PDE1C: variants seen among roughly 807,000 people sequenced by gnomAD.
The protein encoded by PDE1C is phosphodiesterase 1C, also known as dual specificity calcium/calmodulin-dependent 3',5'-cyclic nucleotide phosphodiesterase 1C.
PDE1C carries 62 observed loss-of-function variants against 93.1 expected under a neutral mutation model. The ratio of observed to expected loss-of-function variants is 0.67; its 90% CI spans 0.54 to 0.82. The LOEUF (loss-of-function observed/expected upper bound fraction) is 0.82, where lower values mean the gene tolerates loss of function less well. Among genes scored for constraint, PDE1C ranks in the 40% least tolerant of loss-of-function variants. PDE1C has a pLI of 0.00. For synonymous variants in PDE1C, 325 were observed against 310.1 expected, an observed-to-expected ratio of 1.05 and a Z score of -0.50; for missense variants, 742 against 884.6, an observed-to-expected ratio of 0.84 and a Z score of 2.04.
intron 16 of PDE1C, chr7:31,785,739 T>C (rs1299741657): frequency 6.6e-6 from 1 of 152,182 alleles, no homozygotes; most frequent in Non-Finnish European, 1.5e-5. Flanking sequence ...CATGATCAGA[T>C]AAACTGTCTA....
intron 1 of PDE1C, among the ~76,000 whole-genome samples, chr7:32,287,334 C>T (rs955734975): frequency 1.3e-5 from 2 of 152,226 alleles, no homozygotes; most frequent in Non-Finnish European, 2.9e-5. Context: ...CCTCCAGCCA[C>T]AGGGCCTCTG....
At chr7:31,944,222 T>C (rs552386510) in intron 2 of PDE1C, among the ~76,000 whole-genome samples, 1 of 152,346 alleles carries the variant, frequency 6.6e-6, no homozygotes, top group East Asian at 1.9e-4. Context: ...CTCATCCTAC[T>C]ATGCTCTGTC....
At chr7:31,910,237 C>T (rs1405946830) in intron 2 of PDE1C, among the ~76,000 whole-genome samples, 1 of 152,198 alleles carries the variant, frequency 6.6e-6, no homozygotes, top group Non-Finnish European at 1.5e-5. Context: ...TTACTCTTCT[C>T]TTACTGCCCT....
At chr7:32,325,567 G>T (rs746307628) in intron 1 of PDE1C, among the ~76,000 whole-genome samples, 3 of 152,186 alleles carry the variant, frequency 2.0e-5, no homozygotes, top group Non-Finnish European at 2.9e-5. Flanking sequence ...AACAAATCAT[G>T]TAAGATCCAA....
At chr7:32,136,807 G>A (rs1405004915) in intron 3 of PDE1C, among the ~76,000 whole-genome samples, 1 of 152,194 alleles carries the variant, frequency 6.6e-6, no homozygotes, top group Admixed American at 6.5e-5. Context: ...CAGAGGAAGT[G>A]TCTGGGCCTA....
intron 17 of PDE1C, among the ~76,000 whole-genome samples, chr7:31,772,003 G>A (rs903496659): frequency 4.8e-5 from 7 of 145,746 alleles, no homozygotes; most frequent in Non-Finnish European, 7.4e-5. Flanking sequence ...CCGAGATAGC[G>A]CCACTGCACT....
intron 2 of PDE1C, among the ~76,000 whole-genome samples, chr7:31,978,417 T>C (rs913716943): frequency 1.3e-5 from 2 of 152,168 alleles, no homozygotes; most frequent in Admixed American, 6.5e-5. Context: ...GCAGACCAAA[T>C]TGGTCTTTTC....
chr7:32,300,169 G>C (rs1812847561), upstream of PDE1C, among the ~76,000 whole-genome samples: 1 of 152,096 alleles, frequency 6.6e-6, no homozygotes, highest in South Asian at 2.1e-4. Context: ...AAACCCCCAA[G>C]CCTACTGGAA....
At chr7:32,146,182 C>G (rs1248696418) in intron 3 of PDE1C, among the ~76,000 whole-genome samples, 1 of 152,154 alleles carries the variant, frequency 6.6e-6, no homozygotes, top group Non-Finnish European at 1.5e-5. Context: ...CTCTGCATTT[C>G]TGTTAACAGC....
intron 2 of PDE1C, among the ~76,000 whole-genome samples, chr7:32,201,736 T>C (rs1009577219): frequency 2.6e-5 from 4 of 152,216 alleles, no homozygotes; most frequent in African/African-American, 4.8e-5. Flanking sequence ...AAAGCAGTCT[T>C]TAAAATTTTT....
At chr7:31,973,699 C>G (rs1811271144) in intron 2 of PDE1C, among the ~76,000 whole-genome samples, 1 of 151,974 alleles carries the variant, frequency 6.6e-6, no homozygotes, top group African/African-American at 2.4e-5. Flanking sequence ...AAACTGAGAC[C>G]CAGAAAGGCT....
chr7:32,135,005 A>G (rs1338428184), intron 3 of PDE1C, among the ~76,000 whole-genome samples: 1 of 152,180 alleles, frequency 6.6e-6, no homozygotes, highest in African/African-American at 2.4e-5. Context: ...TGGCAATAAG[A>G]TTTGACAGCA....
At chr7:32,334,591 A>G (rs868651475) in intron 1 of PDE1C, among the ~76,000 whole-genome samples, 1 of 68,820 alleles carries the variant, frequency 1.5e-5, no homozygotes, top group Non-Finnish European at 2.9e-5. Flanking sequence ...CCGCCCTCCC[A>G]CCCTCCCCCC....
At chr7:31,909,282 G>A (rs1354828476) in intron 2 of PDE1C, among the ~76,000 whole-genome samples, 7 of 152,142 alleles carry the variant, frequency 4.6e-5, no homozygotes, top group Admixed American at 3.3e-4. Context: ...GCTTTCTAAC[G>A]AAAAACAATT....
intron 2 of PDE1C, among the ~76,000 whole-genome samples, chr7:31,919,798 C>A (rs553796752): frequency 4.1e-4 from 62 of 152,310 alleles, no homozygotes; most frequent in South Asian, 1.7e-3. Flanking sequence ...GCTGGCCCTG[C>A]AAGGGTAAGT....
At chr7:32,111,683 A>T (rs746276101) in intron 3 of PDE1C, among the ~76,000 whole-genome samples, 1 of 152,190 alleles carries the variant, frequency 6.6e-6, no homozygotes, top group Non-Finnish European at 1.5e-5. Flanking sequence ...CAGAGCTAAT[A>T]AGGCAGATTG....
the PDE1C span, among the ~76,000 whole-genome samples, chr7:31,740,338 C>A: frequency 6.6e-6 from 1 of 152,156 alleles, no homozygotes; most frequent in African/African-American, 2.4e-5. Flanking sequence ...GAATGACTAA[C>A]ATACATATGT....
intron 2 of PDE1C, among the ~76,000 whole-genome samples, chr7:31,996,198 C>T (rs549236443): frequency 6.6e-6 from 1 of 152,080 alleles, no homozygotes; most frequent in South Asian, 2.1e-4. Flanking sequence ...GAGGGGCACA[C>T]GAGGAAGAAA....
At chr7:32,408,186 A>G (rs576473982) in intron 1 of PDE1C, among the ~76,000 whole-genome samples, 1 of 152,348 alleles carries the variant, frequency 6.6e-6, no homozygotes, top group African/African-American at 2.4e-5. Flanking sequence ...CAGAGGATGT[A>G]GTATACAGCT....
Sources: gnomAD v4.1 joint callset for allele counts (sites outside exome capture counted in the v4.1 genomes callset) on GRCh38, gnomAD v4.1.1 for gene constraint, MANE v1.5 for transcripts, NCBI Gene and HGNC (gene_info 2026-07-23, HGNC 2026-07-21) for gene names.